The following KAT2B variants were observed in gnomAD, a reference collection of about 807,000 sequenced individuals.
KAT2B encodes the protein histone acetyltransferase KAT2B.
A neutral mutation model predicts 105.9 loss-of-function variants in KAT2B; 36 were observed. The ratio of observed to expected loss-of-function variants is 0.34; its 90% CI spans 0.26 to 0.45. The LOEUF (loss-of-function observed/expected upper bound fraction) is 0.45, where lower values mean the gene tolerates loss of function less well. Ranked by LOEUF, KAT2B falls within the 20% of genes least tolerant of loss-of-function variation. KAT2B has a pLI of 1.00. For missense variants in KAT2B, 820 were observed against 1,021.6 expected, an observed-to-expected ratio of 0.80 and a Z score of 2.69; for synonymous variants, 397 against 377.9, an observed-to-expected ratio of 1.05 and a Z score of -0.59.
chr3:20,148,888 C>CAATAAT, intron 17 of KAT2B: 1 of 163,720 alleles, frequency 6.1e-6, no homozygotes, highest in Admixed American at 5.9e-5. Context: ...AATAATTATT[C>CAATAAT]AGGATAATAA....
chr3:20,150,404 C>T (rs1699852292), intron 17 of KAT2B, among the ~76,000 whole-genome samples: 1 of 152,104 alleles, frequency 6.6e-6, no homozygotes, highest in Non-Finnish European at 1.5e-5. Context: ...CTGTTTCTCT[C>T]ATATGGATGG....
chr3:20,120,547 C>T (rs964235096), intron 8 of KAT2B, among the ~76,000 whole-genome samples: 11 of 151,994 alleles, frequency 7.2e-5, no homozygotes, highest in Non-Finnish European at 1.6e-4. Flanking sequence ...CTCATTCTGT[C>T]GTCCAAAGCA....
intron 2 of KAT2B, among the ~76,000 whole-genome samples, chr3:20,078,826 A>C (rs1698467068): frequency 6.7e-6 from 1 of 150,258 alleles, no homozygotes; most frequent in Non-Finnish European, 1.5e-5. Flanking sequence ...ATTTTGAGTT[A>C]GGCAGACCCC....
intron 1 of KAT2B, among the ~76,000 whole-genome samples, chr3:20,052,853 G>C (rs1443821454): frequency 6.6e-6 from 1 of 152,190 alleles, no homozygotes; most frequent in Non-Finnish European, 1.5e-5. Flanking sequence ...GCAGGTGCCT[G>C]TAATCCCAGC....
intron 2 of KAT2B, among the ~76,000 whole-genome samples, chr3:20,084,414 A>G (rs551755484): frequency 7.9e-5 from 12 of 152,154 alleles, no homozygotes; most frequent in African/African-American, 2.7e-4. Context: ...CTCTTCTGCT[A>G]TGAAAGTTAC....
Position 20,040,769 on chromosome 3 carries a change from TC to T in KAT2B, c.294del (p.Ala99ProfsTer30). ...GAAACTGGAGAAACTCGGAGTGTAC[TC>T]CGCCTGCAAGGTACGCGCTCGCCGC... ...AKKLEKLGVY[S>X]ACKAEESCKC... On this transcript the variant is annotated frameshift_variant, in exon 1 of 18. Transcript: ENST00000263754. LOFTEE classifies it high-confidence loss of function. 1 of 1,591,560 alleles carries T rather than the reference TC, an allele frequency of 6.3e-7. No individual in the cohort carries two copies. Among genetic ancestry groups the T allele is most frequent in the Non-Finnish European group, 8.5e-7 (1 of 1,172,200 alleles).
chr3:20,141,203 C>T (rs1193572151), intron 13 of KAT2B, among the ~76,000 whole-genome samples: 1 of 152,146 alleles, frequency 6.6e-6, no homozygotes, highest in African/African-American at 2.4e-5. Context: ...GTATATTAAT[C>T]TCTGCTTTTA....
chr3:20,063,093 T>C (rs988708658), intron 1 of KAT2B, among the ~76,000 whole-genome samples: 3 of 151,888 alleles, frequency 2.0e-5, no homozygotes, highest in Non-Finnish European at 2.9e-5. Flanking sequence ...TTTTAGACAG[T>C]ATCTTGCTCT....
At chr3:20,048,870 G>GC (rs1232803212) in intron 1 of KAT2B, among the ~76,000 whole-genome samples, 1 of 151,970 alleles carries the variant, frequency 6.6e-6, no homozygotes, top group Non-Finnish European at 1.5e-5. Context: ...TTTGGGCAGC[G>GC]CCCCCCTTTT....
chr3:20,078,691 GTGTATATATA>G (rs1400872015), intron 2 of KAT2B, among the ~76,000 whole-genome samples: 1 of 151,418 alleles, frequency 6.6e-6, no homozygotes, highest in Non-Finnish European at 1.5e-5. Flanking sequence ...TCTGATATAT[GTGTATATATA>G]TGTATATATA....
chr3:20,046,489 G>A (rs1277160735), intron 1 of KAT2B, among the ~76,000 whole-genome samples: 1 of 152,176 alleles, frequency 6.6e-6, no homozygotes, highest in Non-Finnish European at 1.5e-5. Context: ...AGGTTGAGGT[G>A]GGAGGATGGC....
intron 5 of KAT2B, among the ~76,000 whole-genome samples, chr3:20,103,171 A>G (rs1698938533): frequency 6.6e-6 from 1 of 152,150 alleles, no homozygotes; most frequent in Non-Finnish European, 1.5e-5. Context: ...GTTCTGTATT[A>G]TTGAAACTCT....
intron 9 of KAT2B, among the ~76,000 whole-genome samples, chr3:20,124,192 T>C (rs757831242): frequency 1.3e-5 from 2 of 152,144 alleles, no homozygotes; most frequent in African/African-American, 2.4e-5. Flanking sequence ...TGAGTTTAGG[T>C]TTTTTTCAGC....
At chr3:20,121,830 A>G (rs929781378) in intron 8 of KAT2B, among the ~76,000 whole-genome samples, 6 of 150,630 alleles carry the variant, frequency 4.0e-5, no homozygotes, top group African/African-American at 1.5e-4. Context: ...TAGACTCATG[A>G]ACAAGCCTGC....
rs1026016157 is a variant in KAT2B at position 20,095,189 on chromosome 3, C to T, written c.431-74C>T. 4 of 1,221,068 alleles carry T rather than the reference C, an allele frequency of 3.3e-6. No homozygotes were observed. The African/African-American group carries it at 6.0e-5, about 18-fold the overall frequency. The allele number at this position is 1,221,068 out of a possible 1,614,324, so 75.6% of individuals were successfully genotyped here. On this transcript the variant is annotated intron_variant, in intron 2 of 17. Transcript: ENST00000263754. Reference sequence around the variant, plus strand: ...TGATGGTAAGACTGATGAAAGAGGACCTTCCACTTAAAAATGGGGAATGTT... The same window carrying T: ...TGATGGTAAGACTGATGAAAGAGGATCTTCCACTTAAAAATGGGGAATGTT...
chr3:20,139,991 C>A (rs1483099796), intron 12 of KAT2B, among the ~76,000 whole-genome samples: 1 of 152,120 alleles, frequency 6.6e-6, no homozygotes, highest in Non-Finnish European at 1.5e-5. Flanking sequence ...ATATTTCTTG[C>A]ATTTTATTAG....
chr3:20,145,004 C>T (rs1476052505), intron 13 of KAT2B, among the ~76,000 whole-genome samples: 1 of 151,944 alleles, frequency 6.6e-6, no homozygotes, highest in Non-Finnish European at 1.5e-5. Context: ...ACCGTGTTGG[C>T]CAGGCTGGTC....
At chr3:20,041,404 T>G (rs2125159905) in intron 1 of KAT2B, among the ~76,000 whole-genome samples, 1 of 152,256 alleles carries the variant, frequency 6.6e-6, no homozygotes, top group Non-Finnish European at 1.5e-5. Flanking sequence ...ATTATTGTAT[T>G]ATTACTTGTT....
At chr3:20,099,295 C>T (rs1317580259) in intron 3 of KAT2B, among the ~76,000 whole-genome samples, 2 of 152,186 alleles carry the variant, frequency 1.3e-5, no homozygotes, top group Non-Finnish European at 2.9e-5. Context: ...CCATTTAGAG[C>T]TCTGCAGACT....
Sources: gnomAD v4.1 joint callset for allele counts (sites outside exome capture counted in the v4.1 genomes callset) on GRCh38, gnomAD v4.1.1 for gene constraint, MANE v1.5 for transcripts, NCBI Gene and HGNC (gene_info 2026-07-23, HGNC 2026-07-21) for gene names.